ARMC2: variants seen among roughly 807,000 people sequenced by gnomAD.
The protein encoded by ARMC2 is armadillo repeat-containing protein 2.
In ARMC2, 67 loss-of-function variants were observed where a neutral mutation model predicts 90.3. That is an observed-to-expected ratio of 0.74 (90% CI 0.61 to 0.91). ARMC2 has a LOEUF of 0.91. ARMC2 is among the 40% of genes least tolerant of loss of function. ARMC2 has a pLI of 0.00. For synonymous variants in ARMC2, 393 were observed against 393.0 expected (o/e 1.00, Z 0.00); for missense variants, 920 against 1,030.9 (o/e 0.89, Z 1.47).
In ARMC2 at chr6:108,894,459, C is replaced by A. The variant is rs533794667; in HGVS notation, c.672-8C>A. On this transcript the variant is annotated splice_region_variant and splice_polypyrimidine_tract_variant and intron_variant, in intron 5 of 17. Coordinates refer to ENST00000392644, the MANE Select transcript of ARMC2 (RefSeq NM_032131.6). The stretch of plus-strand genomic sequence containing the variant: ...GTTTGCGCTGAGTGTTTTATGTATT[C>A]CTCCTAGGGACCAGGGGAAGAGACA... 81 of 1,605,364 alleles carry A rather than the reference C, an allele frequency of 5.0e-5. No individual in the cohort carries two copies. The South Asian group carries it at 8.7e-4, about 17-fold the overall frequency.
the ARMC2 span, among the ~76,000 whole-genome samples, chr6:109,003,594 G>A: frequency 2.0e-5 from 3 of 152,114 alleles, no homozygotes. Context: ...TTATACTGGA[G>A]GTTGGTGACT....
intron 11 of ARMC2, among the ~76,000 whole-genome samples, chr6:108,933,305 A>G (rs1297220269): frequency 6.6e-6 from 1 of 152,000 alleles, no homozygotes. Flanking sequence ...CTGTATTCTC[A>G]GGTATCTTAT....
At chr6:109,045,382 C>A in the ARMC2 span, among the ~76,000 whole-genome samples, 1 of 152,176 alleles carries the variant, frequency 6.6e-6, no homozygotes, top group African/African-American at 2.4e-5. Context: ...TTCCAAAATG[C>A]AGATCTGATG....
At chr6:108,945,252 A>C (rs1425980464) in intron 12 of ARMC2, among the ~76,000 whole-genome samples, 1 of 152,138 alleles carries the variant, frequency 6.6e-6, no homozygotes, top group Non-Finnish European at 1.5e-5. Flanking sequence ...CTCTGACGTC[A>C]GTGTTGCTAC....
the ARMC2 span, among the ~76,000 whole-genome samples, chr6:109,041,105 A>G: frequency 7.3e-5 from 11 of 151,476 alleles, no homozygotes; most frequent in Non-Finnish European, 1.6e-4. Context: ...GTTTGAGATC[A>G]GCCTGGGCAA....
rs1173637475 is a variant in ARMC2 at position 108,901,098 on chromosome 6, A to ATTTTT, written c.847+1339_847+1343dup. ...GAAGCCTTCCTACAGGAAAGAAGGA[A>ATTTTT]TTTTTTTTTTTTTTTTTTTTTTTTT... On this transcript the variant is annotated intron_variant, in intron 7 of 17. Coordinates refer to ENST00000392644, the MANE Select transcript of ARMC2 (RefSeq NM_032131.6). Among the ~76,000 whole-genome samples the ATTTTT allele has an allele frequency of 1.5e-3, 90 of 59,362 alleles. 25 individuals carry two copies. The East Asian group carries it at 0.028, about 18-fold the overall frequency. The allele number at this position is 59,362 out of a possible 152,430, so 38.9% of individuals were successfully genotyped here.
intron 12 of ARMC2, among the ~76,000 whole-genome samples, chr6:108,949,026 G>GA (rs1240293669): frequency 4.6e-5 from 7 of 151,628 alleles, no homozygotes; most frequent in South Asian, 2.1e-4. Context: ...GGCCTAGGAA[G>GA]AAAAAAAACA....
chr6:108,961,645 C>T lies in ARMC2; in HGVS notation c.1989C>T (p.Tyr663=), dbSNP rs1281605846. 1 of 1,611,752 alleles carries T rather than the reference C, an allele frequency of 6.2e-7. No individual in the cohort carries two copies. The highest frequency in any genetic ancestry group is 8.5e-7 in the Non-Finnish European group (1 of 1,178,986). ...ATATINNLSY[Y]QVKNSIIQDK... ...CGACAATCAACAATTTATCTTACTACCAAGTGAAGAATTCCATAATTCAAG... is the reference window on the plus strand; with the variant it reads ...CGACAATCAACAATTTATCTTACTATCAAGTGAAGAATTCCATAATTCAAG... The change falls in exon 14 of 18, where the codon TAC becomes TAT. Residue 663 remains tyrosine, a synonymous_variant. Coordinates refer to ENST00000392644, the MANE Select transcript of ARMC2 (RefSeq NM_032131.6).
intron 4 of ARMC2, among the ~76,000 whole-genome samples, chr6:108,875,349 C>A (rs965829544): frequency 1.3e-5 from 2 of 152,148 alleles, no homozygotes; most frequent in Non-Finnish European, 2.9e-5. Flanking sequence ...CAATCCACCC[C>A]TCACCCCTCT....
chr6:109,014,617 G>GT, the ARMC2 span, among the ~76,000 whole-genome samples: 2 of 152,128 alleles, frequency 1.3e-5, no homozygotes, highest in Admixed American at 6.5e-5. Flanking sequence ...CTCAGGGTGA[G>GT]TTTTTTTGTT....
At chr6:108,858,072 A>G (rs1774835265) in intron 2 of ARMC2, 127 bp from the exon 3 acceptor site, 1 of 583,382 alleles carries the variant, frequency 1.7e-6, no homozygotes, top group East Asian at 3.1e-5. Context: ...ACATGAAAAA[A>G]TGTTTTTCCT....
At chr6:109,019,900 C>G in the ARMC2 span, among the ~76,000 whole-genome samples, 3 of 152,118 alleles carry the variant, frequency 2.0e-5, no homozygotes. Flanking sequence ...CATAAATACG[C>G]ATTAAAATGT....
chr6:108,912,647 C>T, intron 10 of ARMC2, 89 bp downstream of exon 10: 1 of 1,226,882 alleles, frequency 8.2e-7, no homozygotes, highest in Non-Finnish European at 1.2e-6. Context: ...TGCAAGAGGC[C>T]CCTACAGCCA....
intron 4 of ARMC2, among the ~76,000 whole-genome samples, chr6:108,870,604 GGAAA>G (rs951493337): frequency 6.6e-6 from 1 of 150,680 alleles, no homozygotes; most frequent in African/African-American, 2.4e-5. Flanking sequence ...AAGGAAAGAA[GGAAA>G]GAAAAAGAAG....
chr6:109,045,892 A>C, the ARMC2 span, among the ~76,000 whole-genome samples: 1 of 152,222 alleles, frequency 6.6e-6, no homozygotes, highest in Non-Finnish European at 1.5e-5. Context: ...AAATAAATAA[A>C]TGTGAGGCAC....
At chr6:108,937,842 G>GACCCA (rs1776081088) in intron 12 of ARMC2, among the ~76,000 whole-genome samples, 1 of 152,008 alleles carries the variant, frequency 6.6e-6, no homozygotes, top group Non-Finnish European at 1.5e-5. Context: ...CTACAGGCGT[G>GACCCA]CCACCACACC....
the ARMC2 span, among the ~76,000 whole-genome samples, chr6:109,010,995 G>GT: frequency 5.1e-4 from 78 of 152,382 alleles, no homozygotes; most frequent in African/African-American, 1.9e-3. Flanking sequence ...GCAAAAGCTA[G>GT]TTAGGTAGAA....
rs1287076938 is a variant in ARMC2 at position 108,874,793 on chromosome 6, T to C, written c.464-1350T>C. ...GTGGTCCTGGCTCTCCCTGTGACCT[T>C]AGACAGGACATTTAATCTTTGGGTT... On this transcript the variant is annotated intron_variant, in intron 4 of 17. Transcript: ENST00000392644. 2.0e-5 allele frequency among the ~76,000 whole-genome samples: 3 copies of C among 152,102 alleles called. No individual in the cohort carries two copies. The East Asian group carries it at 5.8e-4, about 29-fold the overall frequency.
chr6:108,928,766 G>A (rs1775298862), intron 11 of ARMC2, among the ~76,000 whole-genome samples: 1 of 152,140 alleles, frequency 6.6e-6, no homozygotes, highest in South Asian at 2.1e-4. Context: ...GCAAGATGTT[G>A]TTAAATTTCA....
Sources: gnomAD v4.1 joint callset for allele counts (sites outside exome capture counted in the v4.1 genomes callset) on GRCh38, gnomAD v4.1.1 for gene constraint, MANE v1.5 for transcripts, NCBI Gene and HGNC (gene_info 2026-07-23, HGNC 2026-07-21) for gene names.